ARHGEF4: variants seen among roughly 807,000 people sequenced by gnomAD.
ARHGEF4 encodes the protein APC-stimulated guanine nucleotide exchange factor 1.
In ARHGEF4, 119 loss-of-function variants were observed where a neutral mutation model predicts 162.0. The ratio of observed to expected loss-of-function variants is 0.73; its 90% CI spans 0.63 to 0.86. ARHGEF4 has a LOEUF of 0.86. Ranked by LOEUF, ARHGEF4 falls within the 40% of genes least tolerant of loss-of-function variation. ARHGEF4 has a pLI of 0.00. For synonymous variants in ARHGEF4, 1,014 were observed against 979.9 expected, an observed-to-expected ratio of 1.03 and a Z score of -0.65; for missense variants, 2,488 against 2,456.0, an observed-to-expected ratio of 1.01 and a Z score of -0.28.
In ARHGEF4 at chr2:131,040,009, C is replaced by A; in HGVS notation, c.4306-7C>A. On this transcript the variant is annotated splice_region_variant and splice_polypyrimidine_tract_variant and intron_variant, in intron 6 of 13. Coordinates refer to ENST00000409359, the MANE Select transcript of ARHGEF4 (RefSeq NM_001367493.1). ...CGGGGCACTGACCGGCCACGCATGG[C>A]CTGCAGCTGAGGGTGAATCAGGACG... The A allele has an allele frequency of 6.4e-7, 1 of 1,554,022 alleles. No homozygotes were observed. The highest frequency in any genetic ancestry group is 1.2e-5 in the South Asian group (1 of 84,596).
At chr2:130,999,312 G>A (rs1010449927) in intron 4 of ARHGEF4, among the ~76,000 whole-genome samples, 9 of 151,708 alleles carry the variant, frequency 5.9e-5, no homozygotes, top group African/African-American at 9.7e-5. Flanking sequence ...CCGCCACCAC[G>A]CCTGGCTAAT....
intron 5 of ARHGEF4, among the ~76,000 whole-genome samples, chr2:131,031,382 C>T (rs902228433): frequency 6.6e-6 from 1 of 152,226 alleles, no homozygotes; most frequent in Non-Finnish European, 1.5e-5. Context: ...TGCTTGCACA[C>T]AGATGTGTGT....
intron 11 of ARHGEF4, 142 bp downstream of exon 11, chr2:131,043,725 G>A: frequency 1.1e-6 from 1 of 920,602 alleles, no homozygotes; most frequent in Non-Finnish European, 1.5e-6. Flanking sequence ...GCTGGGATGG[G>A]GTGGCTCTCT....
chr2:131,039,136 A>G (rs1358134646), intron 6 of ARHGEF4, 104 bp downstream of exon 6: 1 of 1,393,344 alleles, frequency 7.2e-7, no homozygotes, highest in African/African-American at 1.4e-5. Flanking sequence ...CTAGGTGCAG[A>G]GCACTGGGTG....
In ARHGEF4 at chr2:130,915,977, T is replaced by A. The variant is rs1251022029; in HGVS notation, c.2031T>A (p.Ser677=). The A allele has an allele frequency of 6.5e-7, 1 of 1,550,358 alleles. No individual in the cohort carries two copies. Among genetic ancestry groups the A allele is most frequent in the African/African-American group, 1.4e-5 (1 of 73,036 alleles). ...PLSTGETPCE[S]PTRGKTPAGN... ...GCACTGGCGAGACCCCCTGTGAGTC[T>A]CCCACTAGGGGGAAAACACCAGCCG... The change falls in exon 2 of 14, where the codon TCT becomes TCA. Residue 677 remains serine (S), a synonymous_variant. Coordinates refer to ENST00000409359, the MANE Select transcript of ARHGEF4 (RefSeq NM_001367493.1).
At chr2:130,961,270 G>C (rs1448815819) in intron 4 of ARHGEF4, among the ~76,000 whole-genome samples, 1 of 152,196 alleles carries the variant, frequency 6.6e-6, no homozygotes, top group East Asian at 1.9e-4. Context: ...GCAGGGAGCA[G>C]ACGGGAGAAG....
At chr2:130,838,741 G>T (rs892092882) in intron 1 of ARHGEF4, among the ~76,000 whole-genome samples, 3 of 152,240 alleles carry the variant, frequency 2.0e-5, no homozygotes, top group African/African-American at 7.2e-5. Context: ...CCCACAGCAA[G>T]GGTGGCAAGG....
intron 4 of ARHGEF4, chr2:131,011,562 A>G (rs1688451790): frequency 2.8e-6 from 4 of 1,440,934 alleles, no homozygotes; most frequent in East Asian, 5.0e-5. Flanking sequence ...GTGCTTCCAT[A>G]TCAGCCACTT....
intron 3 of ARHGEF4, among the ~76,000 whole-genome samples, chr2:130,934,624 C>T (rs1682832423): frequency 6.6e-6 from 1 of 152,178 alleles, no homozygotes; most frequent in South Asian, 2.1e-4. Flanking sequence ...CTCACTGCAA[C>T]CTCCACCTCC....
intron 4 of ARHGEF4, chr2:131,011,883 G>A: frequency 1.4e-6 from 1 of 703,562 alleles, no homozygotes; most frequent in South Asian, 1.5e-5. Context: ...GGCGGCGGAG[G>A]GGCAGAGATG....
At chr2:130,996,451 T>C (rs1340242683) in intron 4 of ARHGEF4, among the ~76,000 whole-genome samples, 1 of 152,282 alleles carries the variant, frequency 6.6e-6, no homozygotes, top group African/African-American at 2.4e-5. Context: ...CTTATCGTTA[T>C]ATTTTTAAGA....
At position 131,017,313 on chromosome 2, in the gene ARHGEF4, G is replaced by A. The variant is rs187884384; in HGVS notation, c.3986-10632G>A. On this transcript the variant is annotated intron_variant, in intron 4 of 13. Coordinates refer to ENST00000409359, the MANE Select transcript of ARHGEF4 (RefSeq NM_001367493.1). ...GCCTGGATCTCCTGGCTTCAGTCCC[G>A]GAGTCCTTCCCCCACCTTCACCTTC... Among the ~76,000 whole-genome samples the A allele has an allele frequency of 1.2e-3, 179 of 152,200 alleles. 1 individual carries two copies. Among genetic ancestry groups the A allele is most frequent in the African/African-American group, 4.0e-3 (165 of 41,524 alleles).
chr2:131,030,824 G>A (rs1235341897), intron 5 of ARHGEF4, among the ~76,000 whole-genome samples: 1 of 152,210 alleles, frequency 6.6e-6, no homozygotes, highest in Non-Finnish European at 1.5e-5. Flanking sequence ...ACTCAGGAAA[G>A]GTGGTGCCTG....
At chr2:130,892,778 C>G (rs998920582) in intron 1 of ARHGEF4, among the ~76,000 whole-genome samples, 10 of 152,294 alleles carry the variant, frequency 6.6e-5, no homozygotes, top group African/African-American at 2.4e-4. Context: ...CTGGGCCCCT[C>G]TCCTGGACTC....
chr2:130,856,706 T>C (rs1559003988), intron 1 of ARHGEF4, among the ~76,000 whole-genome samples: 1 of 152,202 alleles, frequency 6.6e-6, no homozygotes, highest in Non-Finnish European at 1.5e-5. Flanking sequence ...TAATGTTAAA[T>C]GACGAGTTAA....
At chr2:130,992,913 G>A (rs549151403) in intron 4 of ARHGEF4, among the ~76,000 whole-genome samples, 15 of 152,198 alleles carry the variant, frequency 9.9e-5, no homozygotes, top group African/African-American at 2.9e-4. Flanking sequence ...GCAAAACGCC[G>A]TCTCTACTAA....
At chr2:130,880,856 G>A (rs952535436) in intron 1 of ARHGEF4, among the ~76,000 whole-genome samples, 2 of 151,032 alleles carry the variant, frequency 1.3e-5, no homozygotes, top group African/African-American at 2.4e-5. Context: ...TTAAATAATG[G>A]AAGGCAACAC....
intron 1 of ARHGEF4, among the ~76,000 whole-genome samples, chr2:130,838,116 A>T (rs1226655340): frequency 6.6e-6 from 1 of 152,260 alleles, no homozygotes; most frequent in Non-Finnish European, 1.5e-5. Flanking sequence ...GCAGCCTTTC[A>T]GGAACCTGTG....
chr2:130,984,742 C>G (rs572445963), intron 4 of ARHGEF4, among the ~76,000 whole-genome samples: 1 of 151,350 alleles, frequency 6.6e-6, no homozygotes, highest in East Asian at 1.9e-4. Context: ...ATGACTATAT[C>G]AGACACACAC....
Sources: gnomAD v4.1 joint callset for allele counts (sites outside exome capture counted in the v4.1 genomes callset) on GRCh38, gnomAD v4.1.1 for gene constraint, MANE v1.5 for transcripts, NCBI Gene and HGNC (gene_info 2026-07-23, HGNC 2026-07-21) for gene names.